NCKAP5L: variants seen among roughly 807,000 people sequenced by gnomAD.
NCKAP5L encodes the protein nck-associated protein 5-like.
NCKAP5L carries 54 observed loss-of-function variants against 103.2 expected under a neutral mutation model. That is an observed-to-expected ratio of 0.52 (90% CI 0.42 to 0.66). NCKAP5L has a LOEUF of 0.66. NCKAP5L is among the 30% of genes least tolerant of loss of function. The pLI is 0.00. For synonymous variants in NCKAP5L, 762 were observed against 748.6 expected (o/e 1.02, Z -0.29); for missense variants, 1,733 against 1,750.6 (o/e 0.99, Z 0.18).
rs1945982470 is a variant in NCKAP5L at position 49,793,859 on chromosome 12, C to T, written c.3133G>A (p.Glu1045Lys). 6.4e-7 allele frequency: 1 copy of T among 1,571,044 alleles called. No individual in the cohort carries two copies. The highest frequency in any genetic ancestry group is 8.6e-7 in the Non-Finnish European group (1 of 1,159,018). Reference sequence around the variant, plus strand: ...AAATCCCCGTACTCAGGCTTGGGCTCCCGCCAGCTCTTGGATGGCAGCTCC... The same window carrying T: ...AAATCCCCGTACTCAGGCTTGGGCTTCCGCCAGCTCTTGGATGGCAGCTCC... ...GKELPSKSWR[E>K]PKPEYGDFQP... The change falls in exon 9 of 13, where the codon GAG (glutamate) becomes AAG (lysine). Residue 1045 changes from glutamate (E) to lysine (K), a missense_variant. By Grantham distance (56) the Glu-to-Lys change is moderately conservative. Coordinates refer to ENST00000335999, the MANE Select transcript of NCKAP5L (RefSeq NM_001037806.4).
At chr12:49,803,280 C>A in intron 3 of NCKAP5L, 115 bp from the exon 4 acceptor site, 1 of 935,136 alleles carries the variant, frequency 1.1e-6, no homozygotes, top group Non-Finnish European at 1.6e-6. Context: ...ACTATACCCC[C>A]ACTCCAGCTC....
At chr12:49,794,337 A>G (rs1398520637) in intron 8 of NCKAP5L, among the ~76,000 whole-genome samples, 1 of 152,212 alleles carries the variant, frequency 6.6e-6, no homozygotes, top group Non-Finnish European at 1.5e-5. Flanking sequence ...AGCAACCCCA[A>G]GATGGGTGGA....
intron 1 of NCKAP5L, among the ~76,000 whole-genome samples, chr12:49,816,170 A>G (rs1283598566): frequency 6.6e-6 from 1 of 152,142 alleles, no homozygotes; most frequent in Non-Finnish European, 1.5e-5. Context: ...ATACTGTTAG[A>G]AGGGGAGCTC....
rs777445594 is a variant in NCKAP5L, at chr12:49,795,916, C to A, written c.1944G>T (p.Gly648=). Reference sequence around the variant, plus strand: ...CAGGATCCCCAGGTCGCCGTCCTGACCCCTGGCTGGGCTTCTTGGATGAGT... The same window carrying A: ...CAGGATCCCCAGGTCGCCGTCCTGAACCCTGGCTGGGCTTCTTGGATGAGT... The part of the protein sequence containing the change: ...PGNSSKKPSQ[G]SGRRPGDPGS... Residue 648 remains glycine (G), a synonymous_variant, in exon 8 of 13, where the codon GGG becomes GGT. Transcript: ENST00000335999. 6.5e-7 allele frequency: 1 copy of A among 1,528,970 alleles called. No homozygotes were observed. The highest frequency in any genetic ancestry group is 8.7e-7 in the Non-Finnish European group (1 of 1,145,136). 94.7% of individuals were successfully genotyped at this position (1,528,970 alleles called of 1,614,324 possible).
At chr12:49,801,798 G>A (rs556028759) in intron 6 of NCKAP5L, 50 bp downstream of exon 6, 7 of 1,606,356 alleles carry the variant, frequency 4.4e-6, no homozygotes, top group South Asian at 2.2e-5. Flanking sequence ...CGATGGAGCC[G>A]AGGAGGCAGG....
chr12:49,793,604 G>T, intron 9 of NCKAP5L, 130 bp downstream of exon 9: 2 of 1,324,484 alleles, frequency 1.5e-6, no homozygotes, highest in Non-Finnish European at 2.0e-6. Context: ...CCCCTCCCCA[G>T]TCTCCCCGTA....
At chr12:49,808,058 C>T (rs886650726) in intron 1 of NCKAP5L, among the ~76,000 whole-genome samples, 51 of 152,208 alleles carry the variant, frequency 3.4e-4, no homozygotes, top group African/African-American at 1.0e-3. Flanking sequence ...AAGAGCAAGG[C>T]CAGGCTGTGA....
At chr12:49,810,839 G>GT (rs1416315659) in intron 1 of NCKAP5L, among the ~76,000 whole-genome samples, 1 of 152,160 alleles carries the variant, frequency 6.6e-6, no homozygotes, top group Non-Finnish European at 1.5e-5. Flanking sequence ...TTAAATAACT[G>GT]TAAGTATAAC....
rs756585838 is a variant in NCKAP5L at position 49,792,525 on chromosome 12, T to C, written c.3713A>G (p.Asn1238Ser). 2.5e-6 allele frequency: 4 copies of C among 1,613,564 alleles called. No homozygotes were observed. Among genetic ancestry groups the C allele is most frequent in the African/African-American group, 1.3e-5 (1 of 74,968 alleles). ...CGAGGAGCTGCCGGCTGCCCTAGTA[T>C]TGGGGAAGGTCCAGTTCTTGGCCAG... ...VQLAKNWTFP[N>S]TRAAGSSSDP... is the part of the protein sequence containing the mutation. Residue 1238 changes from asparagine (N) to serine (S), a missense_variant, in exon 12 of 13, where the codon AAT becomes AGT. Asn to Ser is a conservative substitution (Grantham distance 46). Coordinates refer to ENST00000335999, the MANE Select transcript of NCKAP5L (RefSeq NM_001037806.4). This position sits in a 1 kb window ranked among gnomAD's most constrained non-coding sequence, Gnocchi z 4.5.
At chr12:49,793,045 G>C (rs375581456) in intron 10 of NCKAP5L, 59 bp from the exon 11 acceptor site, 55 of 1,308,292 alleles carry the variant, frequency 4.2e-5, no homozygotes, top group East Asian at 3.9e-4. Context: ...TCCCCGGCCT[G>C]CCTCCACTTC....
chr12:49,816,670 C>T (rs1356546410), intron 1 of NCKAP5L, among the ~76,000 whole-genome samples: 9 of 151,634 alleles, frequency 5.9e-5, no homozygotes, highest in South Asian at 2.1e-4. Flanking sequence ...TGGTGGCACG[C>T]GCCTGTGATC....
chr12:49,827,740 C>T (rs1946434875), intron 1 of NCKAP5L, among the ~76,000 whole-genome samples: 1 of 152,224 alleles, frequency 6.6e-6, no homozygotes, highest in Admixed American at 6.5e-5. Context: ...CCCGCAGCCC[C>T]TCAAAGCCTT....
At position 49,797,708 on chromosome 12, in the gene NCKAP5L, C is replaced by G. The variant is rs1946074155; in HGVS notation, c.466-314G>C. 6.6e-6 allele frequency among the ~76,000 whole-genome samples: 1 copy of G among 152,192 alleles called. No individual in the cohort carries two copies. Among genetic ancestry groups the G allele is most frequent in the Non-Finnish European group, 1.5e-5 (1 of 68,036 alleles). ...TTAGCAGGGCTGACCACCTAAAACT[C>G]TGACCTCTGTGTTTGTCCCAGGGGA... is the stretch of plus-strand genomic sequence containing the variant. On this transcript the variant is annotated intron_variant, in intron 7 of 12. Transcript: ENST00000335999. The surrounding 1 kb of genome is among the most constrained non-coding windows in gnomAD (Gnocchi z 4.5).
chr12:49,804,357 T>C (rs1946156800), intron 2 of NCKAP5L: 2 of 217,648 alleles, frequency 9.2e-6, no homozygotes, highest in East Asian at 2.1e-4. Context: ...TCAGCCTCCC[T>C]GGGTCTCAGT....
At chr12:49,810,100 C>T (rs1946222967) in intron 1 of NCKAP5L, among the ~76,000 whole-genome samples, 1 of 151,334 alleles carries the variant, frequency 6.6e-6, no homozygotes, top group Non-Finnish European at 1.5e-5. Flanking sequence ...TTTCAACATC[C>T]CTCATCTCCC....
intron 1 of NCKAP5L, among the ~76,000 whole-genome samples, chr12:49,811,579 A>T (rs1013391107): frequency 5.3e-5 from 8 of 151,820 alleles, no homozygotes; most frequent in African/African-American, 1.9e-4. Context: ...CAGCTTTCTC[A>T]TCTACCCTTT....
intron 1 of NCKAP5L, among the ~76,000 whole-genome samples, chr12:49,812,000 A>G (rs972472449): frequency 6.6e-6 from 1 of 152,170 alleles, no homozygotes; most frequent in African/African-American, 2.4e-5. Flanking sequence ...TCGCAGGTAT[A>G]AGACCTCTGT....
rs1393464773 is a variant in NCKAP5L at position 49,796,745 on chromosome 12, T to C, written c.1115A>G (p.Lys372Arg). The C allele has an allele frequency of 6.2e-7, 1 of 1,612,720 alleles. No homozygotes were observed. Among genetic ancestry groups the C allele is most frequent in the Non-Finnish European group, 8.5e-7 (1 of 1,179,480 alleles). ...AGCTGACTTGGGGAGGCCTTTGGAC[T>C]TAGACAGCTGTGGGGGCGCCTGGTC... is the stretch of plus-strand genomic sequence containing the variant. ...SPDQAPPQLS[K>R]SKGLPKSAWG... is the part of the protein sequence containing the mutation. The change falls in exon 8 of 13, where the codon AAG becomes AGG. Residue 372 changes from lysine (K) to arginine (R), a missense_variant. Coordinates refer to ENST00000335999, the MANE Select transcript of NCKAP5L (RefSeq NM_001037806.4).
chr12:49,793,130 C>T, intron 10 of NCKAP5L, 144 bp from the exon 11 acceptor site: 1 of 800,040 alleles, frequency 1.2e-6, no homozygotes, highest in East Asian at 2.7e-5. Flanking sequence ...ACCTGTCCAC[C>T]AACCCCACCT....
Sources: allele counts gnomAD v4.1 joint callset (sites outside exome capture counted in the v4.1 genomes callset), GRCh38; gene constraint gnomAD v4.1.1; non-coding constraint Gnocchi (gnomAD v3.1); transcripts MANE v1.5; gene names NCBI Gene and HGNC (gene_info 2026-07-23, HGNC 2026-07-21).